The following BZW2 variants were observed in gnomAD, a reference collection of about 807,000 sequenced individuals.
The protein encoded by BZW2 is basic leucine zipper and W2 domains 2, also known as eIF5-mimic protein 1.
A neutral mutation model predicts 53.2 loss-of-function variants in BZW2; 23 were observed. The observed-to-expected ratio is 0.43, with a 90% CI of 0.31 to 0.61. The LOEUF (loss-of-function observed/expected upper bound fraction) is 0.61, where lower values mean the gene tolerates loss of function less well. Ranked by LOEUF, BZW2 falls within the 20% of genes least tolerant of loss-of-function variation. BZW2 has a pLI of 0.09. For synonymous variants in BZW2, 227 were observed against 186.4 expected (o/e 1.22, Z -1.77); for missense variants, 409 against 503.1 (o/e 0.81, Z 1.79).
At chr7:16,699,449 T>G (rs1220417147) in intron 10 of BZW2, among the ~76,000 whole-genome samples, 1 of 152,218 alleles carries the variant, frequency 6.6e-6, no homozygotes, top group Non-Finnish European at 1.5e-5. Context: ...TGGCTCCATT[T>G]GTAAAACTGG....
At chr7:16,682,579 AC>A (rs2128362159) in intron 4 of BZW2, among the ~76,000 whole-genome samples, 200 bp from the exon 5 acceptor site, 1 of 152,008 alleles carries the variant, frequency 6.6e-6, no homozygotes, top group African/African-American at 2.4e-5. Context: ...GTTTTATCTT[AC>A]GTGTACATTT....
intron 3 of BZW2, among the ~76,000 whole-genome samples, chr7:16,680,292 T>A (rs818508): frequency 4.6e-5 from 7 of 152,088 alleles, no homozygotes; most frequent in African/African-American, 1.7e-4. Context: ...TGGGAAGTGT[T>A]TGGAGTTGCA....
At position 16,706,133 on chromosome 7, in the gene BZW2, T is replaced by C; in HGVS notation, c.*45T>C. 1 of 1,595,824 alleles carries C rather than the reference T, an allele frequency of 6.3e-7. No individual in the cohort carries two copies. The highest frequency in any genetic ancestry group is 8.6e-7 in the Non-Finnish European group (1 of 1,167,572). On this transcript the variant is annotated 3_prime_UTR_variant, in exon 12 of 12. Transcript: ENST00000258761. Reference sequence around the variant, plus strand: ...ACCTAGGTTACCACACACCACTTTTTGATTGGGAATGCTGAACCATTTGAG... The same window carrying C: ...ACCTAGGTTACCACACACCACTTTTCGATTGGGAATGCTGAACCATTTGAG...
At chr7:16,661,778 G>T (rs1277459908) in intron 1 of BZW2, among the ~76,000 whole-genome samples, 6 of 151,898 alleles carry the variant, frequency 4.0e-5, no homozygotes, top group African/African-American at 1.5e-4. Flanking sequence ...TTAAACCATG[G>T]AACTGTTCCA....
chr7:16,682,764 G>A lies in BZW2; in HGVS notation c.340-16G>A. On this transcript the variant is annotated splice_polypyrimidine_tract_variant and intron_variant, in intron 4 of 11. Transcript: ENST00000258761. ...TTTTTGGTTGACCTAATATTTAATG[G>A]TTGTTTTTTTTTTAGGTCTTCAATA... 1 of 1,509,578 alleles carries A rather than the reference G, an allele frequency of 6.6e-7. No homozygotes were observed. The highest frequency in any genetic ancestry group is 1.2e-5 in the South Asian group (1 of 81,144). 93.5% of individuals were successfully genotyped at this position (1,509,578 alleles called of 1,614,324 possible).
chr7:16,675,885 G>C (rs113442573), intron 3 of BZW2, among the ~76,000 whole-genome samples: 11,290 of 152,172 alleles, frequency 0.074, 474 homozygotes, highest in East Asian at 0.19. Context: ...TTCGAGACCA[G>C]CTTGGCCAAC....
chr7:16,647,371 G>T (rs1389640667), intron 1 of BZW2, among the ~76,000 whole-genome samples: 1 of 152,134 alleles, frequency 6.6e-6, no homozygotes, highest in African/African-American at 2.4e-5. Context: ...TCTTCTCATA[G>T]CGCCATACGA....
chr7:16,653,179 C>T (rs1782029778), intron 1 of BZW2, among the ~76,000 whole-genome samples: 1 of 152,148 alleles, frequency 6.6e-6, no homozygotes, highest in African/African-American at 2.4e-5. Flanking sequence ...TGCCCACCAC[C>T]ACCTTTGAGC....
intron 3 of BZW2, among the ~76,000 whole-genome samples, chr7:16,676,579 T>TC (rs1782772116): frequency 7.1e-6 from 1 of 140,376 alleles, no homozygotes; most frequent in African/African-American, 2.8e-5. Context: ...TACATACACC[T>TC]TTAACAATGT....
intron 1 of BZW2, among the ~76,000 whole-genome samples, chr7:16,663,500 A>G (rs776617775): frequency 4.6e-5 from 7 of 152,162 alleles, no homozygotes; most frequent in Non-Finnish European, 8.8e-5. Flanking sequence ...GACGTTTTCA[A>G]TAATAAACAG....
chr7:16,697,361 A>T (rs35397611), intron 9 of BZW2, among the ~76,000 whole-genome samples: 14,075 of 152,182 alleles, frequency 0.092, 889 homozygotes, highest in Middle Eastern at 0.24. Flanking sequence ...AAAGTGTTGG[A>T]TTGCAGGCAT....
intron 3 of BZW2, among the ~76,000 whole-genome samples, chr7:16,680,254 A>G (rs1782899109): frequency 6.6e-6 from 1 of 152,228 alleles, no homozygotes. Flanking sequence ...AATGTTAGCA[A>G]GCCTGAAGAA....
intron 8 of BZW2, chr7:16,695,826 C>G (rs1783465298): frequency 6.6e-6 from 1 of 152,148 alleles, no homozygotes; most frequent in Admixed American, 6.5e-5. Flanking sequence ...TACTATCCAG[C>G]AGGTGGAGGT....
At chr7:16,692,385 C>G (rs1220776069) in intron 7 of BZW2, among the ~76,000 whole-genome samples, 1 of 152,144 alleles carries the variant, frequency 6.6e-6, no homozygotes, top group African/African-American at 2.4e-5. Flanking sequence ...CCAACAGACC[C>G]TTTCCTTCAT....
chr7:16,654,188 C>T (rs1782062495), intron 1 of BZW2, among the ~76,000 whole-genome samples: 1 of 151,440 alleles, frequency 6.6e-6, no homozygotes, highest in South Asian at 2.1e-4. Context: ...TGAGATTGTG[C>T]CACTACACTC....
At chr7:16,681,492 G>A in intron 4 of BZW2, 88 bp downstream of exon 4, 1 of 1,067,290 alleles carries the variant, frequency 9.4e-7, no homozygotes, top group Non-Finnish European at 1.4e-6. Context: ...TTTTAAATAG[G>A]AATCTTAGAA....
chr7:16,681,516 A>T, intron 4 of BZW2, 112 bp downstream of exon 4: 1 of 861,032 alleles, frequency 1.2e-6, no homozygotes, highest in Middle Eastern at 2.3e-4. Context: ...CTTTAAACTT[A>T]TGAAAATAAT....
chr7:16,672,566 A>T (rs895835079), intron 2 of BZW2, among the ~76,000 whole-genome samples: 1 of 151,814 alleles, frequency 6.6e-6, no homozygotes, highest in African/African-American at 2.4e-5. Context: ...TTTTCTTTTG[A>T]AGTTTTGGGT....
At chr7:16,691,819 A>G (rs998290732) in intron 7 of BZW2, among the ~76,000 whole-genome samples, 20 of 152,168 alleles carry the variant, frequency 1.3e-4, no homozygotes, top group Admixed American at 1.2e-3. Context: ...AGATGGCTTC[A>G]TTTATAAAAT....
Sources: gnomAD v4.1 joint callset for allele counts (sites outside exome capture counted in the v4.1 genomes callset) on GRCh38, gnomAD v4.1.1 for gene constraint, MANE v1.5 for transcripts, NCBI Gene and HGNC (gene_info 2026-07-23, HGNC 2026-07-21) for gene names.